GLT1D1: variants seen among roughly 807,000 people sequenced by gnomAD.
GLT1D1 encodes glycosyltransferase 1 domain containing 1.
GLT1D1 carries 21 observed loss-of-function variants against 28.7 expected under a neutral mutation model. The observed-to-expected ratio is 0.73, with a 90% CI of 0.52 to 1.05. The LOEUF (loss-of-function observed/expected upper bound fraction) is 1.05. GLT1D1 is among the 50% of genes least tolerant of loss of function. The pLI, the probability that GLT1D1 is intolerant of heterozygous loss-of-function variation, is 0.00. For missense variants in GLT1D1, 343 were observed against 330.6 expected, an observed-to-expected ratio of 1.04 and a Z score of -0.29; for synonymous variants, 147 against 124.8, an observed-to-expected ratio of 1.18 and a Z score of -1.19.
intron 4 of GLT1D1, among the ~76,000 whole-genome samples, chr12:128,922,036 T>C (rs536881443): frequency 2.0e-5 from 3 of 152,184 alleles, no homozygotes; most frequent in Non-Finnish European, 4.4e-5. Flanking sequence ...TGTATATGAA[T>C]AGACATTCCA....
At chr12:128,925,813 C>T (rs1279913993) in intron 4 of GLT1D1, among the ~76,000 whole-genome samples, 2 of 152,114 alleles carry the variant, frequency 1.3e-5, no homozygotes, top group African/African-American at 4.8e-5. Flanking sequence ...TTCTTTGCAG[C>T]AAAAGTTGCA....
chr12:128,880,224 C>T (rs1416529902), intron 2 of GLT1D1, among the ~76,000 whole-genome samples: 1 of 152,146 alleles, frequency 6.6e-6, no homozygotes, highest in African/African-American at 2.4e-5. Context: ...CATGCTTGAC[C>T]TCTGCTTCAA....
chr12:128,974,105 C>T (rs1022219838), intron 7 of GLT1D1, among the ~76,000 whole-genome samples: 5 of 151,778 alleles, frequency 3.3e-5, no homozygotes, highest in South Asian at 2.1e-4. Context: ...TTGATCTGTG[C>T]GTGTGGAGGG....
At chr12:128,935,889 G>T (rs1170541199) in intron 4 of GLT1D1, among the ~76,000 whole-genome samples, 3 of 152,186 alleles carry the variant, frequency 2.0e-5, no homozygotes, top group Admixed American at 6.5e-5. Context: ...CTAACCGCTG[G>T]CAAGTTAGTT....
chr12:128,902,166 C>T (rs557930725), intron 4 of GLT1D1, among the ~76,000 whole-genome samples: 1 of 151,550 alleles, frequency 6.6e-6, no homozygotes, highest in African/African-American at 2.4e-5. Flanking sequence ...ACCAGGTAGA[C>T]CAATGGACTT....
At chr12:128,889,827 C>T (rs952926869) in intron 3 of GLT1D1, among the ~76,000 whole-genome samples, 8 of 152,176 alleles carry the variant, frequency 5.3e-5, no homozygotes, top group South Asian at 2.1e-4. Flanking sequence ...CAGGCTGGAG[C>T]GCAATGGCGC....
At chr12:128,945,517 A>T (rs912482073) in intron 5 of GLT1D1, 148 bp downstream of exon 9, 2 of 713,666 alleles carry the variant, frequency 2.8e-6, no homozygotes, top group Middle Eastern at 2.4e-4. Flanking sequence ...AGCCCGTGGC[A>T]TCCTAGGCAC....
chr12:128,858,842 C>G (rs1195205411), intron 1 of GLT1D1, among the ~76,000 whole-genome samples: 4 of 151,604 alleles, frequency 2.6e-5, no homozygotes, highest in Non-Finnish European at 5.9e-5. Flanking sequence ...GAACGTTGGT[C>G]TCCACAGTCT....
At chr12:128,920,460 A>G (rs1161190224) in intron 4 of GLT1D1, among the ~76,000 whole-genome samples, 1 of 152,226 alleles carries the variant, frequency 6.6e-6, no homozygotes. Flanking sequence ...AGGCTGAGAC[A>G]GGAGAATTGC....
intron 1 of GLT1D1, among the ~76,000 whole-genome samples, chr12:128,869,738 G>A (rs1262074032): frequency 1.3e-5 from 2 of 152,044 alleles, no homozygotes; most frequent in Non-Finnish European, 2.9e-5. Flanking sequence ...ATGGGGGCCT[G>A]ACCCTGCAGA....
intron 4 of GLT1D1, among the ~76,000 whole-genome samples, chr12:128,940,354 C>T (rs950203052): frequency 6.6e-6 from 1 of 152,126 alleles, no homozygotes; most frequent in Non-Finnish European, 1.5e-5. Flanking sequence ...ACAGGCTCAG[C>T]GCTTCATGTC....
intron 4 of GLT1D1, among the ~76,000 whole-genome samples, chr12:128,918,203 C>G (rs1220787321): frequency 6.6e-6 from 1 of 152,154 alleles, no homozygotes; most frequent in African/African-American, 2.4e-5. Flanking sequence ...CAAACTAAGG[C>G]AGGAACAGAA....
intron 1 of GLT1D1, among the ~76,000 whole-genome samples, chr12:128,857,926 C>T (rs1956262350): frequency 6.6e-6 from 1 of 152,114 alleles, no homozygotes. Context: ...GGGACCGATC[C>T]CAGATCAGAG....
intron 4 of GLT1D1, among the ~76,000 whole-genome samples, chr12:128,914,688 C>T (rs934650264): frequency 2.0e-5 from 3 of 152,024 alleles, no homozygotes; most frequent in Non-Finnish European, 4.4e-5. Flanking sequence ...GGTGTGGCAG[C>T]GGGCGCCTAT....
At chr12:128,927,901 G>A (rs565484518) in intron 4 of GLT1D1, among the ~76,000 whole-genome samples, 77 of 148,942 alleles carry the variant, frequency 5.2e-4, no homozygotes, top group African/African-American at 1.7e-3. Context: ...TCAGGAGGCT[G>A]AGGCAGGAGA....
intron 7 of GLT1D1, among the ~76,000 whole-genome samples, chr12:128,968,357 G>A (rs1878690601): frequency 6.6e-6 from 1 of 151,570 alleles, no homozygotes; most frequent in Non-Finnish European, 1.5e-5. Flanking sequence ...GGAAGCATTT[G>A]AGAGTGGACT....
intron 4 of GLT1D1, among the ~76,000 whole-genome samples, chr12:128,907,456 C>T (rs1240287483): frequency 6.6e-6 from 1 of 152,106 alleles, no homozygotes; most frequent in Non-Finnish European, 1.5e-5. Context: ...CAGGTGCCCG[C>T]CACCACACCC....
At chr12:128,966,616 G>A (rs1190807663) in intron 7 of GLT1D1, among the ~76,000 whole-genome samples, 1 of 152,146 alleles carries the variant, frequency 6.6e-6, no homozygotes, top group East Asian at 1.9e-4. Context: ...TCTGCACGCA[G>A]CCCCAGCACT....
chr12:128,913,999 G>A (rs1428363858), intron 4 of GLT1D1, among the ~76,000 whole-genome samples: 3 of 152,178 alleles, frequency 2.0e-5, no homozygotes, highest in Non-Finnish European at 4.4e-5. Flanking sequence ...GCCGCTGTCA[G>A]TATGATTCAG....
Sources: gnomAD v4.1 joint callset for allele counts (sites outside exome capture counted in the v4.1 genomes callset) on GRCh38, gnomAD v4.1.1 for gene constraint, MANE v1.5 for transcripts, NCBI Gene and HGNC (gene_info 2026-07-23, HGNC 2026-07-21) for gene names.